Variants in PSD2 observed in about 807,000 individuals in gnomAD.
The protein encoded by PSD2 is pleckstrin and Sec7 domain containing 2.
Under a neutral mutation model 69.8 loss-of-function variants are expected in PSD2, and 38 were observed. The ratio of observed to expected loss-of-function variants is 0.54; its 90% confidence interval spans 0.42 to 0.71. The LOEUF is 0.71. PSD2 is among the 30% of genes least tolerant of loss of function. PSD2 has a pLI of 0.00. For missense variants in PSD2, 943 were observed against 1,014.5 expected, an observed-to-expected ratio of 0.93 and a Z score of 0.96; for synonymous variants, 412 against 423.0, an observed-to-expected ratio of 0.97 and a Z score of 0.32.
chr5:139,836,483 C>T lies in PSD2; in HGVS notation c.1404-328C>T, dbSNP rs144486880. Among the ~76,000 whole-genome samples, 1,175 of 152,224 alleles carry T rather than the reference C, an allele frequency of 7.7e-3. 16 individuals carry two copies. The highest frequency in any genetic ancestry group is 0.023 in the African/African-American group (954 of 41,514). On this transcript the variant is annotated intron_variant, in intron 9 of 14. Transcript: ENST00000274710. ...CTTCAGTCTGGCCACGGTTAGTGCT[C>T]CCTGGGATGGAGAGAGGAGAAGGAA... is the stretch of plus-strand genomic sequence containing the variant.
At chr5:139,784,472 G>T in the PSD2 span, among the ~76,000 whole-genome samples, 1 of 152,120 alleles carries the variant, frequency 6.6e-6, no homozygotes, top group African/African-American at 2.4e-5. Flanking sequence ...GCAGCCAGAG[G>T]GAGCCTTTAA....
the PSD2 span, among the ~76,000 whole-genome samples, chr5:139,766,869 T>TTCTGTCTTTCTG: frequency 6.6e-6 from 1 of 150,420 alleles, no homozygotes; most frequent in Non-Finnish European, 1.5e-5. Context: ...CTTTCTTTCT[T>TTCTGTCTTTCTG]TCTTTCTTTC....
upstream of PSD2, among the ~76,000 whole-genome samples, chr5:139,792,600 G>A (rs2126914294): frequency 2.6e-5 from 4 of 152,302 alleles, no homozygotes; most frequent in Middle Eastern, 0.014. Context: ...AGGTCACTTG[G>A]AGGAACAGGG....
the PSD2 span, among the ~76,000 whole-genome samples, chr5:139,766,258 G>T: frequency 6.6e-6 from 1 of 152,230 alleles, no homozygotes; most frequent in Non-Finnish European, 1.5e-5. Flanking sequence ...AGGATTGGTG[G>T]CAGTAGGGTG....
At position 139,809,783 on chromosome 5, in the gene PSD2, T is replaced by C. The variant is rs982265974; in HGVS notation, c.343T>C (p.Tyr115His). 1.2e-6 allele frequency: 2 copies of C among 1,614,032 alleles called. No individual in the cohort carries two copies. Among genetic ancestry groups the C allele is most frequent in the Non-Finnish European group, 1.7e-6 (2 of 1,180,016 alleles). Residue 115 changes from tyrosine to histidine, a missense_variant, in exon 2 of 15, where the codon TAC becomes CAC. Tyr to His is a moderately conservative substitution (Grantham distance 83). Around this residue, in one of 3 missense-constraint regions of PSD2, gnomAD observed 466 missense variants for 445.0 expected, o/e 1.05. Transcript: ENST00000274710. The stretch of plus-strand genomic sequence containing the variant: ...GGGGGACAATGCTTCCAGGAGCCTC[T>C]ACCCAGATGCTGAGGACCCTCAGCT... ...AEGDNASRSLYPDAEDPQLGL... is the reference protein window; with the variant it reads ...AEGDNASRSLHPDAEDPQLGL...
chr5:139,813,894 A>G, intron 3 of PSD2, 136 bp downstream of exon 3: 5 of 792,062 alleles, frequency 6.3e-6, no homozygotes, highest in Non-Finnish European at 9.7e-6. Flanking sequence ...TACCCTCTGC[A>G]TCCAGGCTTC....
At chr5:139,792,901 T>TCCTTCCTC (rs1759442508), upstream of PSD2, among the ~76,000 whole-genome samples, 1 of 146,810 alleles carries the variant, frequency 6.8e-6, no homozygotes, top group Non-Finnish European at 1.5e-5. Flanking sequence ...CTTCCTTCCT[T>TCCTTCCTC]CCTTCCTTCT....
At position 139,817,571 on chromosome 5, in the gene PSD2, GC is replaced by G; in HGVS notation, c.1097+11del. 1.9e-6 allele frequency: 3 copies of G among 1,609,288 alleles called. No homozygotes were observed. The highest frequency in any genetic ancestry group is 2.6e-6 in the Non-Finnish European group (3 of 1,175,758). ...TGGACGGAGCACTCAGGTCAGTGGG[GC>G]TGGGACAGGCAGTGCCCACAAGTGG... On this transcript the variant is annotated intron_variant, in intron 5 of 14. Transcript: ENST00000274710.
chr5:139,759,125 A>G, the PSD2 span, among the ~76,000 whole-genome samples: 1 of 151,780 alleles, frequency 6.6e-6, no homozygotes, highest in Non-Finnish European at 1.5e-5. Flanking sequence ...TACATTTCCT[A>G]TCTTCCTGAA....
the PSD2 span, among the ~76,000 whole-genome samples, chr5:139,788,228 G>C: frequency 7.5e-6 from 1 of 132,510 alleles, no homozygotes; most frequent in African/African-American, 2.8e-5. Context: ...CCCAGCCCGA[G>C]CTCCCCCTGC....
At chr5:139,790,720 C>T in the PSD2 span, among the ~76,000 whole-genome samples, 4 of 152,168 alleles carry the variant, frequency 2.6e-5, no homozygotes, top group Non-Finnish European at 1.5e-5. Flanking sequence ...GACTAGGCCA[C>T]AGTCTAGCAC....
At chr5:139,776,541 G>A in the PSD2 span, among the ~76,000 whole-genome samples, 1 of 152,180 alleles carries the variant, frequency 6.6e-6, no homozygotes, top group Non-Finnish European at 1.5e-5. Context: ...AGAGGCTGGA[G>A]ATTGAGGGGC....
the PSD2 span, among the ~76,000 whole-genome samples, chr5:139,777,814 T>C: frequency 6.6e-6 from 1 of 151,996 alleles, no homozygotes; most frequent in South Asian, 2.1e-4. Flanking sequence ...GCTCAGGAGG[T>C]TGAGGCTACA....
At chr5:139,771,392 T>C in the PSD2 span, among the ~76,000 whole-genome samples, 54 of 146,166 alleles carry the variant, frequency 3.7e-4, no homozygotes, top group South Asian at 6.1e-3. Flanking sequence ...CTTTTCTTTT[T>C]TTTTGAGATG....
chr5:139,756,213 T>C, the PSD2 span, among the ~76,000 whole-genome samples: 1 of 152,168 alleles, frequency 6.6e-6, no homozygotes, highest in East Asian at 1.9e-4. Context: ...TAACAACGGC[T>C]CGGACTGCCG....
At chr5:139,835,645 AC>A in intron 8 of PSD2, 77 bp from the exon 9 acceptor site, 1 of 1,421,032 alleles carries the variant, frequency 7.0e-7, no homozygotes, top group Non-Finnish European at 1.0e-6. Flanking sequence ...CCCTCACTGT[AC>A]CCATGTTATT....
rs1760924954 is a variant in PSD2 at position 139,843,385 on chromosome 5, G to A, written c.*911G>A. On this transcript the variant is annotated 3_prime_UTR_variant, in exon 15 of 15. Coordinates refer to ENST00000274710, the MANE Select transcript of PSD2 (RefSeq NM_032289.4). ...GATACTTTTGGAAAAAATAGAGCGT[G>A]TATGCACCGCCCCGTTTGTCCCATG... The A allele has an allele frequency of 6.6e-6, 1 of 152,240 alleles. No individual in the cohort carries two copies. The highest frequency in any genetic ancestry group is 2.4e-5 in the African/African-American group (1 of 41,454). 9.4% of individuals were successfully genotyped at this position (152,240 alleles called of 1,614,324 possible).
Position 139,837,762 on chromosome 5 carries a change from G to A in PSD2, c.1803G>A (p.Arg601=), listed in dbSNP as rs371344686. 4 of 1,612,100 alleles carry A rather than the reference G, an allele frequency of 2.5e-6. No individual in the cohort carries two copies. Among genetic ancestry groups the A allele is most frequent in the African/African-American group, 2.7e-5 (2 of 74,876 alleles). ...TGAAGCTTAAGACAGCCGACTGGAG[G>A]GTATTCCTCTTCCAGGCACCGTGAG... ...NVLKLKTADW[R]VFLFQAPSKE... Residue 601 remains arginine, a synonymous_variant, in exon 12 of 15, where the codon AGG becomes AGA. Transcript: ENST00000274710. This position sits in a 1 kb window ranked among gnomAD's most constrained non-coding sequence, Gnocchi z 5.0.
chr5:139,808,520 T>C (rs1445386841), intron 1 of PSD2, among the ~76,000 whole-genome samples: 1 of 152,120 alleles, frequency 6.6e-6, no homozygotes, highest in African/African-American at 2.4e-5. Context: ...CACGAGGTCA[T>C]GCAGGGAGTT....
Sources: allele counts gnomAD v4.1 joint callset (sites outside exome capture counted in the v4.1 genomes callset), GRCh38; gene constraint gnomAD v4.1.1; regional missense constraint gnomAD v4.1.1; non-coding constraint Gnocchi (gnomAD v3.1); transcripts MANE v1.5; gene names NCBI Gene and HGNC (gene_info 2026-07-23, HGNC 2026-07-21).